The following CAMTA1 variants were observed in gnomAD, a reference collection of about 807,000 sequenced individuals.
The protein encoded by CAMTA1 is calmodulin-binding transcription activator 1.
In CAMTA1, 27 loss-of-function variants were observed where a neutral mutation model predicts 170.9. The ratio of observed to expected loss-of-function variants is 0.16; its 90% CI spans 0.12 to 0.22. The LOEUF (loss-of-function observed/expected upper bound fraction) is 0.22, where lower values mean the gene tolerates loss of function less well. Among genes scored for constraint, CAMTA1 ranks in the 10% least tolerant of loss-of-function variants. The pLI, the probability that CAMTA1 is intolerant of heterozygous loss-of-function variation, is 1.00. For missense variants in CAMTA1, 1,619 were observed against 2,217.2 expected (o/e 0.73, Z 5.42); for synonymous variants, 833 against 891.5 (o/e 0.93, Z 1.17).
intron 3 of CAMTA1, among the ~76,000 whole-genome samples, chr1:6,862,512 A>G (rs546710481): frequency 6.6e-6 from 1 of 152,292 alleles, no homozygotes; most frequent in East Asian, 1.9e-4. Context: ...GTCTTGAAAG[A>G]GTTTTGTTTT....
chr1:7,498,357 G>A lies in CAMTA1; in HGVS notation c.510+30456G>A, dbSNP rs1222372690. ...GGATGTGTATGAGTGTGTGTAGAGT[G>A]AGTGTGGATGTGTGTGTATGAGTGG... On this transcript the variant is annotated intron_variant, in intron 6 of 22. Transcript: ENST00000303635. 3.6e-5 allele frequency among the ~76,000 whole-genome samples: 5 copies of A among 139,840 alleles called. No homozygotes were observed. In the East Asian group the frequency reaches 1.3e-3, roughly 37 times the overall value. 91.7% of individuals were successfully genotyped at this position (139,840 alleles called of 152,430 possible). A position where few individuals can be genotyped will look rare whatever the true frequency, so the allele number is the denominator to read the frequency against.
intron 6 of CAMTA1, among the ~76,000 whole-genome samples, chr1:7,542,573 TTACA>T (rs1338696674): frequency 3.6e-5 from 5 of 138,700 alleles, no homozygotes; most frequent in African/African-American, 1.4e-4. Context: ...GTAGCTGGGA[TTACA>T]GGTGTGTGCC....
intron 3 of CAMTA1, among the ~76,000 whole-genome samples, chr1:6,844,548 T>C (rs1657216652): frequency 6.8e-6 from 1 of 147,570 alleles, no homozygotes; most frequent in Non-Finnish European, 1.5e-5. Flanking sequence ...TAGCCCAGCA[T>C]AGAGGTGCGT....
rs549571877 is a variant in CAMTA1, at chr1:7,561,154, G to A, written c.511-79246G>A. On this transcript the variant is annotated intron_variant, in intron 6 of 22. Transcript: ENST00000303635. The surrounding 1 kb of genome is among the most constrained non-coding windows in gnomAD (Gnocchi z 5.3). ...GCATGGCCAGGGGCTGGCCGAGGGG[G>A]GCCGGTGGGTGGTGAATGAAGGGCT... is the stretch of plus-strand genomic sequence containing the variant. Among the ~76,000 whole-genome samples, 84 of 152,226 alleles carry A rather than the reference G, an allele frequency of 5.5e-4. No individual in the cohort carries two copies. The highest frequency in any genetic ancestry group is 1.6e-3 in the African/African-American group (68 of 41,550).
rs1408942373 is a variant in CAMTA1 at position 7,300,509 on chromosome 1, T to A, written c.438+50883T>A. Among the ~76,000 whole-genome samples the A allele has an allele frequency of 6.6e-6, 1 of 152,166 alleles. No homozygotes were observed. The highest frequency in any genetic ancestry group is 1.9e-4 in the East Asian group (1 of 5,200). ...CTGGCCAACATGGTGAAACCCCGTC[T>A]CTACTAAAAATACAAAAATTAGTCA... On this transcript the variant is annotated intron_variant, in intron 5 of 22. Transcript: ENST00000303635. The surrounding 1 kb of genome is among the most constrained non-coding windows in gnomAD (Gnocchi z 4.1).
chr1:7,497,893 C>T (rs2093856566), intron 6 of CAMTA1, among the ~76,000 whole-genome samples: 2 of 152,170 alleles, frequency 1.3e-5, no homozygotes, highest in Non-Finnish European at 2.9e-5. Context: ...GAGACAGATG[C>T]AAGCAGCCCA....
At chr1:7,020,735 A>T (rs1701220891) in intron 3 of CAMTA1, among the ~76,000 whole-genome samples, 2 of 152,174 alleles carry the variant, frequency 1.3e-5, no homozygotes, top group South Asian at 4.1e-4. Context: ...GGGCAAGATG[A>T]TGACATGGGG....
At position 7,641,965 on chromosome 1, in the gene CAMTA1, G is replaced by T. The variant is rs1161986283; in HGVS notation, c.664+1412G>T. Among the ~76,000 whole-genome samples, 1 of 98,714 alleles carries T rather than the reference G, an allele frequency of 1.0e-5. No homozygotes were observed. The highest frequency in any genetic ancestry group is 1.1e-4 in the Admixed American group (1 of 9,170). 64.8% of individuals were successfully genotyped at this position (98,714 alleles called of 152,430 possible). ...TGCAGCCCCCCCACCCGCAGCCCCC[G>T]GCCTCTGCAGGACTCTGCGCCCTTT... On this transcript the variant is annotated intron_variant, in intron 7 of 22. Coordinates refer to ENST00000303635, the MANE Select transcript of CAMTA1 (RefSeq NM_015215.4). This position sits in a 1 kb window ranked among gnomAD's most constrained non-coding sequence, Gnocchi z 4.5.
intron 1 of CAMTA1, among the ~76,000 whole-genome samples, chr1:6,804,107 C>A (rs1398323597): frequency 6.6e-6 from 1 of 151,992 alleles, no homozygotes. Context: ...TCAGTTGAAC[C>A]CGGGAGGCAG....
At chr1:7,368,024 C>T (rs2086125874) in intron 5 of CAMTA1, among the ~76,000 whole-genome samples, 1 of 150,678 alleles carries the variant, frequency 6.6e-6, no homozygotes, top group Non-Finnish European at 1.5e-5. Flanking sequence ...CTCATGGTTT[C>T]ACTGGGTGCA....
rs1436594099 is a variant in CAMTA1, at chr1:7,744,968, G to T, written c.4316G>T (p.Trp1439Leu). 1 of 1,614,164 alleles carries T rather than the reference G, an allele frequency of 6.2e-7. No homozygotes were observed. The highest frequency in any genetic ancestry group is 8.5e-7 in the Non-Finnish European group (1 of 1,180,024). The change falls in exon 17 of 23, where the codon TGG becomes TTG. Residue 1439 changes from tryptophan to leucine, a missense_variant. Trp to Leu is a moderately conservative substitution (Grantham distance 61). This residue lies in a region of CAMTA1 where 370 missense variants were observed against 429.4 expected (regional missense o/e 0.86). Transcript: ENST00000303635. ...GCCACCATTAGCAGTACAATGAGCT[G>T]GCTGGCCAGTTATCTAGCGGATGCT... Reference protein sequence around the residue: ...DPATISSTMSWLASYLADADC... With the variant: ...DPATISSTMSLLASYLADADC...
At chr1:7,236,768 A>AT (rs1267001997) in intron 4 of CAMTA1, among the ~76,000 whole-genome samples, 3 of 152,240 alleles carry the variant, frequency 2.0e-5, no homozygotes, top group South Asian at 2.1e-4. Context: ...TGTTACTGAC[A>AT]TTTTAGTCCA....
At chr1:6,958,309 C>T (rs1689805060) in intron 3 of CAMTA1, among the ~76,000 whole-genome samples, 2 of 152,176 alleles carry the variant, frequency 1.3e-5, no homozygotes, top group Non-Finnish European at 1.5e-5. Flanking sequence ...ACAAACCCAC[C>T]AGCAGGGAGT....
At chr1:6,993,194 CCT>C (rs1696667941) in intron 3 of CAMTA1, among the ~76,000 whole-genome samples, 2 of 152,144 alleles carry the variant, frequency 1.3e-5, no homozygotes, top group African/African-American at 2.4e-5. Flanking sequence ...GACTATCTTA[CCT>C]CTTTGACATT....
intron 3 of CAMTA1, among the ~76,000 whole-genome samples, chr1:6,944,777 T>G (rs12133559): frequency 0.092 from 14,069 of 152,300 alleles, 947 homozygotes; most frequent in East Asian, 0.23. Context: ...TTGCAGTTTT[T>G]CCACTGTACC....
At position 6,887,818 on chromosome 1, in the gene CAMTA1, T is replaced by A; in HGVS notation, c.234+62608T>A. 1 of 1,482,582 alleles carries A rather than the reference T, an allele frequency of 6.7e-7. No homozygotes were observed. The highest frequency in any genetic ancestry group is 1.3e-5 in the South Asian group (1 of 77,416). 91.8% of individuals were successfully genotyped at this position (1,482,582 alleles called of 1,614,324 possible). A position where few individuals can be genotyped will look rare whatever the true frequency, so the allele number is the denominator to read the frequency against. On this transcript the variant is annotated intron_variant, in intron 3 of 22. Coordinates refer to ENST00000303635, the MANE Select transcript of CAMTA1 (RefSeq NM_015215.4). The surrounding 1 kb of genome is among the most constrained non-coding windows in gnomAD (Gnocchi z 4.1). ...CTTTAAGACAGTTCTATTAGTGAAT[T>A]AACTGTTCTCAAAACCCCAAATTAA...
chr1:6,854,555 T>C (rs920173775), intron 3 of CAMTA1, among the ~76,000 whole-genome samples: 5 of 152,208 alleles, frequency 3.3e-5, no homozygotes, highest in African/African-American at 9.6e-5. Flanking sequence ...TAATGAAATA[T>C]GAAATACAAC....
chr1:6,997,661 T>TC lies in CAMTA1; in HGVS notation c.235-93643_235-93642insC, dbSNP rs1312798005. Among the ~76,000 whole-genome samples, 294 of 132,074 alleles carry TC rather than the reference T, an allele frequency of 2.2e-3. 6 individuals are homozygous for TC. The highest frequency in any genetic ancestry group is 7.7e-3 in the African/African-American group (273 of 35,394). 86.6% of individuals were successfully genotyped at this position (132,074 alleles called of 152,430 possible). A position where few individuals can be genotyped will look rare whatever the true frequency, so the allele number is the denominator to read the frequency against. On this transcript the variant is annotated intron_variant, in intron 3 of 22. Coordinates refer to ENST00000303635, the MANE Select transcript of CAMTA1 (RefSeq NM_015215.4). ...TTCCATATTTCCTTTCTTTTCTTTC[T>TC]TTTTTTTTTTTTTTTTGAGACAGAG...
intron 4 of CAMTA1, among the ~76,000 whole-genome samples, chr1:7,122,931 A>G (rs1414044185): frequency 6.6e-6 from 1 of 152,158 alleles, no homozygotes; most frequent in Non-Finnish European, 1.5e-5. Context: ...TCTAGAAGTC[A>G]AGGCGCTCTG....
Sources: allele counts gnomAD v4.1 joint callset (sites outside exome capture counted in the v4.1 genomes callset), GRCh38; gene constraint gnomAD v4.1.1; regional missense constraint gnomAD v4.1.1; non-coding constraint Gnocchi (gnomAD v3.1); transcripts MANE v1.5; gene names NCBI Gene and HGNC (gene_info 2026-07-23, HGNC 2026-07-21).